The following VTCN1 variants were observed in gnomAD, a reference collection of about 807,000 sequenced individuals.
VTCN1 encodes the protein V-set domain containing T cell activation inhibitor 1.
In VTCN1, 26 loss-of-function variants were observed where a neutral mutation model predicts 26.5. The ratio of observed to expected loss-of-function variants is 0.98; its 90% CI spans 0.72 to 1.36. The LOEUF (loss-of-function observed/expected upper bound fraction) is 1.36. Ranked by LOEUF, VTCN1 falls within the 40% of genes most tolerant of loss-of-function variation. The pLI, the probability that VTCN1 is intolerant of heterozygous loss-of-function variation, is 0.00. For synonymous variants in VTCN1, 116 were observed against 130.7 expected, an observed-to-expected ratio of 0.89 and a Z score of 0.77; for missense variants, 298 against 337.7, an observed-to-expected ratio of 0.88 and a Z score of 0.92.
chr1:117,161,088 C>T lies in VTCN1; in HGVS notation c.98-4167G>A, dbSNP rs138552417. On this transcript the variant is annotated intron_variant, in intron 2 of 5. Transcript: ENST00000369458. This position sits in a 1 kb window ranked among gnomAD's most constrained non-coding sequence, Gnocchi z 4.3. ...CCATTCCTGTGGGAGATCTGGGAGA[C>T]GAATTATGAAAGAGGACAAAATGAA... Among the ~76,000 whole-genome samples the T allele has an allele frequency of 2.1e-4, 32 of 152,186 alleles. No homozygotes were observed. Among genetic ancestry groups the T allele is most frequent in the African/African-American group, 6.7e-4 (28 of 41,526 alleles).
Position 117,210,813 on chromosome 1 carries a change from G to T in VTCN1, c.32+11C>A, listed in dbSNP as rs1288350564. The stretch of plus-strand genomic sequence containing the variant: ...TTCACCCATAAGGATAGAGAGAAGA[G>T]TATATACTACCTCCAGAAGAGGATC... On this transcript the variant is annotated intron_variant, in intron 1 of 5. Coordinates refer to ENST00000369458, the MANE Select transcript of VTCN1 (RefSeq NM_024626.4). 6.2e-7 allele frequency: 1 copy of T among 1,614,020 alleles called. No individual in the cohort carries two copies. The highest frequency in any genetic ancestry group is 1.1e-5 in the South Asian group (1 of 91,082).
intron 4 of VTCN1, among the ~76,000 whole-genome samples, chr1:117,151,766 C>T (rs1557859741): frequency 6.6e-6 from 1 of 152,160 alleles, no homozygotes; most frequent in Non-Finnish European, 1.5e-5. Flanking sequence ...TTTGATGACA[C>T]TTTATACTAT....
At position 117,175,775 on chromosome 1, in the gene VTCN1, T is replaced by C. The variant is rs867784673; in HGVS notation, c.33-5604A>G. 2.7e-5 allele frequency among the ~76,000 whole-genome samples: 4 copies of C among 148,630 alleles called. No individual in the cohort carries two copies. The South Asian group carries it at 8.5e-4, about 32-fold the overall frequency. On this transcript the variant is annotated intron_variant, in intron 1 of 5. Transcript: ENST00000369458. This position sits in a 1 kb window ranked among gnomAD's most constrained non-coding sequence, Gnocchi z 4.2. ...TACCTATCTCTCTCTCTCTCTCTCT[T>C]TTTTTTTTTTTTTGAGATGGAGTTT...
Position 117,175,564 on chromosome 1 carries a change from A to G in VTCN1, c.33-5393T>C, listed in dbSNP as rs1197970485. Among the ~76,000 whole-genome samples, 1 of 152,156 alleles carries G rather than the reference A, an allele frequency of 6.6e-6. No homozygotes were observed. The highest frequency in any genetic ancestry group is 1.5e-5 in the Non-Finnish European group (1 of 68,026). On this transcript the variant is annotated intron_variant, in intron 1 of 5. Coordinates refer to ENST00000369458, the MANE Select transcript of VTCN1 (RefSeq NM_024626.4). This position sits in a 1 kb window ranked among gnomAD's most constrained non-coding sequence, Gnocchi z 4.2. ...CTTTTCCCACTGAAGTTCTCATTCT[A>G]TTCTGCTATTTCAACTCTCCTTGCT... is the stretch of plus-strand genomic sequence containing the variant.
rs989133758 is a variant in VTCN1, at chr1:117,183,872, G to A, written c.33-13701C>T. Among the ~76,000 whole-genome samples the A allele has an allele frequency of 6.6e-6, 1 of 152,146 alleles. No individual in the cohort carries two copies. Among genetic ancestry groups the A allele is most frequent in the African/African-American group, 2.4e-5 (1 of 41,422 alleles). On this transcript the variant is annotated intron_variant, in intron 1 of 5. Coordinates refer to ENST00000369458, the MANE Select transcript of VTCN1 (RefSeq NM_024626.4). This position sits in a 1 kb window ranked among gnomAD's most constrained non-coding sequence, Gnocchi z 4.1. ...AAGAAAAATGAGGGAGATTTGCAGA[G>A]GCTAAAAATGAAACCAGCACATGAG...
intron 2 of VTCN1, among the ~76,000 whole-genome samples, chr1:117,162,013 C>T (rs982000438): frequency 3.9e-5 from 6 of 152,092 alleles, no homozygotes; most frequent in South Asian, 2.1e-4. Context: ...TTAGGGAATC[C>T]GTTGAAATAT....
chr1:117,210,884 G>A lies in VTCN1; in HGVS notation c.-29C>T, dbSNP rs752189027. On this transcript the variant is annotated 5_prime_UTR_variant, in exon 1 of 6. Transcript: ENST00000369458. ...TGGGGAAGGTTCCCAGCGTATCTGG[G>A]TACTGGCTGAGTGGAGCTGCCGCTG... The A allele has an allele frequency of 1.9e-6, 3 of 1,613,906 alleles. No individual in the cohort carries two copies. Among genetic ancestry groups the A allele is most frequent in the South Asian group, 2.2e-5 (2 of 91,070 alleles).
intron 1 of VTCN1, among the ~76,000 whole-genome samples, chr1:117,207,951 CT>C (rs1391597040): frequency 1.9e-4 from 29 of 152,188 alleles, no homozygotes; most frequent in African/African-American, 6.5e-4. Flanking sequence ...TGTTTCCCAA[CT>C]CTTCTTCTGG....
chr1:117,147,551 T>C lies in VTCN1; in HGVS notation c.*45+62A>G. 7.1e-7 allele frequency: 1 copy of C among 1,404,926 alleles called. No individual in the cohort carries two copies. The highest frequency in any genetic ancestry group is 9.6e-7 in the Non-Finnish European group (1 of 1,041,366). 87.0% of individuals were successfully genotyped at this position (1,404,926 alleles called of 1,614,324 possible). On this transcript the variant is annotated intron_variant, in intron 5 of 5. Coordinates refer to ENST00000369458, the MANE Select transcript of VTCN1 (RefSeq NM_024626.4). The surrounding 1 kb of genome is among the most constrained non-coding windows in gnomAD (Gnocchi z 4.6). The stretch of plus-strand genomic sequence containing the variant: ...TGGCTGATGCTGAAGGCTATCCGAC[T>C]CTCATTAGGAGCACAAGCACCCACA...
chr1:117,203,458 G>T (rs1648894491), intron 1 of VTCN1, among the ~76,000 whole-genome samples: 3 of 152,030 alleles, frequency 2.0e-5, no homozygotes, highest in African/African-American at 7.3e-5. Flanking sequence ...TGCAGAAAAA[G>T]AAAGAGGAAA....
In VTCN1 at chr1:117,159,738, T is replaced by G. The variant is rs73008041; in HGVS notation, c.98-2817A>C. Among the ~76,000 whole-genome samples the G allele has an allele frequency of 3.5e-3, 539 of 152,362 alleles. 3 individuals are homozygous for G. Among genetic ancestry groups the G allele is most frequent in the African/African-American group, 0.012 (518 of 41,588 alleles). On this transcript the variant is annotated intron_variant, in intron 2 of 5. Transcript: ENST00000369458. The surrounding 1 kb of genome is among the most constrained non-coding windows in gnomAD (Gnocchi z 4.7). ...TGAAAAATGCTGAATTCTAAAGTGC[T>G]GTAACTTTTATTTCTGTTTGAATGA... is the stretch of plus-strand genomic sequence containing the variant.
At chr1:117,203,615 T>C (rs1003625857) in intron 1 of VTCN1, 6 of 985,278 alleles carry the variant, frequency 6.1e-6, no homozygotes, top group Non-Finnish European at 7.2e-6. Flanking sequence ...CTGGGTTTCT[T>C]ACCTGTAGAA....
In VTCN1 at chr1:117,173,365, A is replaced by AC. The variant is rs1653027112; in HGVS notation, c.33-3195_33-3194insG. ...AAAAGGGGAAATTTGGACACAGATGAACACACACACACACACACACACACA... is the reference window on the plus strand; with the variant it reads ...AAAAGGGGAAATTTGGACACAGATGACACACACACACACACACACACACACA... On this transcript the variant is annotated intron_variant, in intron 1 of 5. Transcript: ENST00000369458. The AC allele has an allele frequency of 1.3e-5, 5 of 383,592 alleles. No individual in the cohort carries two copies. In the East Asian group the frequency reaches 2.4e-4, roughly 18 times the overall value. 23.8% of individuals were successfully genotyped at this position (383,592 alleles called of 1,614,324 possible).
rs1380107269 is a variant in VTCN1 at position 117,159,807 on chromosome 1, T to G, written c.98-2886A>C. 6.6e-6 allele frequency among the ~76,000 whole-genome samples: 1 copy of G among 152,248 alleles called. No homozygotes were observed. The highest frequency in any genetic ancestry group is 2.4e-5 in the African/African-American group (1 of 41,464). On this transcript the variant is annotated intron_variant, in intron 2 of 5. Coordinates refer to ENST00000369458, the MANE Select transcript of VTCN1 (RefSeq NM_024626.4). This position sits in a 1 kb window ranked among gnomAD's most constrained non-coding sequence, Gnocchi z 4.7. ...GAGAAAATAACTGATTTGATCAAGT[T>G]TACAGTGCTAGCTATAGCATAATGA...
Position 117,147,848 on chromosome 1 carries a change from G to A in VTCN1, c.725-66C>T. The A allele has an allele frequency of 6.4e-7, 1 of 1,553,024 alleles. No individual in the cohort carries two copies. Among genetic ancestry groups the A allele is most frequent in the South Asian group, 1.2e-5 (1 of 81,328 alleles). On this transcript the variant is annotated intron_variant, in intron 4 of 5. Coordinates refer to ENST00000369458, the MANE Select transcript of VTCN1 (RefSeq NM_024626.4). This position sits in a 1 kb window ranked among gnomAD's most constrained non-coding sequence, Gnocchi z 4.6. ...GCTGGATGTCTTCTTCACATGACTG[G>A]TTAGCAAAGAAAAGTACCTGAAAAA...
At chr1:117,156,459 G>C (rs776638069) in intron 3 of VTCN1, 115 bp downstream of exon 3, 80 of 1,171,342 alleles carry the variant, frequency 6.8e-5, no homozygotes, top group Non-Finnish European at 8.9e-5. Context: ...GCTGTTAGCA[G>C]AATTGGGAGC....
At chr1:117,170,433 T>C (rs922688621) in intron 1 of VTCN1, 8 of 531,712 alleles carry the variant, frequency 1.5e-5, no homozygotes, top group Non-Finnish European at 2.9e-5. Flanking sequence ...TATTTCCAGA[T>C]CAGGGAAGAC....
Position 117,169,956 on chromosome 1 carries a change from G to A in VTCN1, c.97+151C>T, listed in dbSNP as rs1344003726. On this transcript the variant is annotated intron_variant, in intron 2 of 5. Coordinates refer to ENST00000369458, the MANE Select transcript of VTCN1 (RefSeq NM_024626.4). The surrounding 1 kb of genome is among the most constrained non-coding windows in gnomAD (Gnocchi z 4.0). ...GAAGTCGAGGACTTAACTGACTAAT[G>A]TAGAGAAAGCACAAGAAGTAGAAGA... 2 of 687,336 alleles carry A rather than the reference G, an allele frequency of 2.9e-6. No homozygotes were observed. The highest frequency in any genetic ancestry group is 3.6e-5 in the African/African-American group (2 of 55,650). 42.6% of individuals were successfully genotyped at this position (687,336 alleles called of 1,614,324 possible).
chr1:117,157,092 G>GATATATATATATATATATATATATATAT lies in VTCN1; in HGVS notation c.98-172_98-171insATATATATATATATATATATATATATAT, dbSNP rs145887761. Reference sequence around the variant, plus strand: ...GAAAGAGCAGGAAGACAATCATTTTGATATATATATATATATATATATAGC... The same window carrying GATATATATATATATATATATATATATAT: ...GAAAGAGCAGGAAGACAATCATTTTGATATATATATATATATATATATATATATATATATATATATATATATATATAGC... On this transcript the variant is annotated intron_variant, in intron 2 of 5. Transcript: ENST00000369458. 6.1e-4 allele frequency: 340 copies of GATATATATATATATATATATATATATAT among 561,242 alleles called. 4 individuals carry two copies. The highest frequency in any genetic ancestry group is 4.4e-3 in the African/African-American group (173 of 39,736). 34.8% of individuals were successfully genotyped at this position (561,242 alleles called of 1,614,324 possible). A position where few individuals can be genotyped will look rare whatever the true frequency, so the allele number is the denominator to read the frequency against.
Sources: allele counts gnomAD v4.1 joint callset (sites outside exome capture counted in the v4.1 genomes callset), GRCh38; gene constraint gnomAD v4.1.1; non-coding constraint Gnocchi (gnomAD v3.1); transcripts MANE v1.5; gene names NCBI Gene and HGNC (gene_info 2026-07-23, HGNC 2026-07-21).